Variants in TOP6BL observed in about 807,000 individuals in gnomAD.
TOP6BL encodes type 2 DNA topoisomerase 6 subunit B-like.
the TOP6BL span, chr11:66,762,358 G>C: frequency 2.7e-6 from 1 of 374,930 alleles, no homozygotes; most frequent in Non-Finnish European, 4.9e-6. Context: ...CGGCGACGCA[G>C]AAGCCCAGCA....
the TOP6BL span, among the ~76,000 whole-genome samples, chr11:66,765,268 G>T: frequency 1.3e-5 from 2 of 152,178 alleles, no homozygotes; most frequent in Non-Finnish European, 2.9e-5. Context: ...TTGTCATGGT[G>T]ACTTAGTTTT....
chr11:66,832,477 C>A, the TOP6BL span, among the ~76,000 whole-genome samples: 1 of 152,206 alleles, frequency 6.6e-6, no homozygotes, highest in African/African-American at 2.4e-5. Context: ...CTTCTGCTTT[C>A]CTGATTGGGT....
At chr11:66,794,486 G>A in the TOP6BL span, among the ~76,000 whole-genome samples, 1 of 152,116 alleles carries the variant, frequency 6.6e-6, no homozygotes, top group Non-Finnish European at 1.5e-5. Flanking sequence ...AGACTCTTTT[G>A]TAAAATATTT....
chr11:66,789,750 A>G, the TOP6BL span, among the ~76,000 whole-genome samples: 1 of 152,202 alleles, frequency 6.6e-6, no homozygotes, highest in African/African-American at 2.4e-5. Flanking sequence ...AGTGGGTAGG[A>G]TGAGGATTAT....
At chr11:66,843,189 G>C in the TOP6BL span, 19 of 1,611,212 alleles carry the variant, frequency 1.2e-5, no homozygotes, top group South Asian at 2.1e-4. Context: ...GGCTGCAGGA[G>C]GTCTCCAACC....
chr11:66,834,943 T>G, the TOP6BL span, among the ~76,000 whole-genome samples: 23 of 146,486 alleles, frequency 1.6e-4, no homozygotes, highest in Non-Finnish European at 3.0e-4. Flanking sequence ...CATAGATATA[T>G]GTAGGGACTG....
chr11:66,780,035 G>T, the TOP6BL span, among the ~76,000 whole-genome samples: 1 of 150,762 alleles, frequency 6.6e-6, no homozygotes, highest in East Asian at 2.0e-4. Flanking sequence ...GGGAGGGATA[G>T]CATTAGGAGA....
the TOP6BL span, among the ~76,000 whole-genome samples, chr11:66,829,068 CAAAAAAAAAAAAA>C: frequency 6.9e-3 from 228 of 33,112 alleles, 6 homozygotes; most frequent in East Asian, 0.14. Context: ...GCCTCTGTCT[CAAAAAAAAAAAAA>C]AAAAAAAAAA....
the TOP6BL span, among the ~76,000 whole-genome samples, chr11:66,759,705 T>C: frequency 3.3e-5 from 5 of 152,194 alleles, no homozygotes; most frequent in African/African-American, 1.2e-4. Context: ...TGCCTCAGCC[T>C]TCCGAGTAGC....
At chr11:66,751,723 C>T in the TOP6BL span, among the ~76,000 whole-genome samples, 1 of 152,086 alleles carries the variant, frequency 6.6e-6, no homozygotes, top group Non-Finnish European at 1.5e-5. Context: ...AATATCTTCA[C>T]CTCTACCATG....
chr11:66,808,637 C>T, the TOP6BL span, among the ~76,000 whole-genome samples: 1 of 151,666 alleles, frequency 6.6e-6, no homozygotes, highest in Non-Finnish European at 1.5e-5. Context: ...TTAACAAGAA[C>T]AAAACAGAAA....
chr11:66,842,932 G>GC, the TOP6BL span: 4 of 1,559,110 alleles, frequency 2.6e-6, no homozygotes, highest in African/African-American at 1.4e-5. Flanking sequence ...CTCTGCCAGG[G>GC]CCCCGAGCCC....
chr11:66,773,630 C>T, the TOP6BL span, among the ~76,000 whole-genome samples: 1 of 152,038 alleles, frequency 6.6e-6, no homozygotes, highest in African/African-American at 2.4e-5. Flanking sequence ...TTCTTTTGCT[C>T]GTTTGGGGTC....
the TOP6BL span, chr11:66,744,849 G>T: frequency 7.6e-7 from 1 of 1,308,228 alleles, no homozygotes. Context: ...GCGGCGGGCG[G>T]GTACCCTTCG....
chr11:66,801,066 G>C, the TOP6BL span: 8 of 1,613,828 alleles, frequency 5.0e-6, no homozygotes, highest in African/African-American at 1.3e-5. Context: ...CTTGGGAATG[G>C]AATTGCTCTT....
the TOP6BL span, among the ~76,000 whole-genome samples, chr11:66,791,255 T>G: frequency 4.6e-5 from 7 of 152,172 alleles, no homozygotes; most frequent in South Asian, 1.0e-3. Flanking sequence ...TTAGGAGAGA[T>G]ATTGGGTTTT....
At chr11:66,833,313 T>C in the TOP6BL span, among the ~76,000 whole-genome samples, 1 of 151,986 alleles carries the variant, frequency 6.6e-6, no homozygotes, top group African/African-American at 2.4e-5. Flanking sequence ...CCTCCCAAAG[T>C]GCTGGGATTA....
the TOP6BL span, chr11:66,795,873 C>T: frequency 9.7e-5 from 15 of 154,578 alleles, no homozygotes; most frequent in Admixed American, 3.9e-4. Flanking sequence ...TTGCTCCTTC[C>T]GACTCCACTC....
chr11:66,838,297 CACACT>C, the TOP6BL span: 4 of 1,375,986 alleles, frequency 2.9e-6, no homozygotes, highest in Non-Finnish European at 4.1e-6. Flanking sequence ...AGCCACCAGG[CACACT>C]CCTGTTTCAC....
Sources: gnomAD v4.1 joint callset for allele counts (sites outside exome capture counted in the v4.1 genomes callset) on GRCh38, gnomAD v4.1.1 for gene constraint, MANE v1.5 for transcripts, NCBI Gene and HGNC (gene_info 2026-07-23, HGNC 2026-07-21) for gene names.